CNTNAP5: variants seen among roughly 807,000 people sequenced by gnomAD.
CNTNAP5 encodes the protein contactin associated protein family member 5.
Under a neutral mutation model 150.2 loss-of-function variants are expected in CNTNAP5, and 72 were observed. The ratio of observed to expected loss-of-function variants is 0.48; its 90% CI spans 0.40 to 0.58. The LOEUF (loss-of-function observed/expected upper bound fraction) is 0.58. CNTNAP5 is among the 20% of genes least tolerant of loss of function. The pLI is 0.00. For synonymous variants in CNTNAP5, 672 were observed against 619.8 expected (o/e 1.08, Z -1.25); for missense variants, 1,636 against 1,626.2 (o/e 1.01, Z -0.10).
intron 1 of CNTNAP5, among the ~76,000 whole-genome samples, chr2:124,057,448 A>ATTTTTTTTTTTTTTTTTTCTTTTTT (rs1681883403): frequency 1.6e-5 from 1 of 62,826 alleles, no homozygotes; most frequent in Non-Finnish European, 2.7e-5. Context: ...CGGCCAGCTA[A>ATTTTTTTTTTTTTTTTTTCTTTTTT]TTTTTTTTTT....
chr2:124,080,248 T>C (rs1446456436), intron 1 of CNTNAP5, among the ~76,000 whole-genome samples: 1 of 152,196 alleles, frequency 6.6e-6, no homozygotes, highest in Non-Finnish European at 1.5e-5. Flanking sequence ...ACTTAAACAA[T>C]GCAGGTCTTA....
At chr2:124,414,451 A>G (rs1406780829) in intron 3 of CNTNAP5, among the ~76,000 whole-genome samples, 1 of 152,022 alleles carries the variant, frequency 6.6e-6, no homozygotes, top group Non-Finnish European at 1.5e-5. Flanking sequence ...GAACTGTGAG[A>G]CCTTGGATCT....
chr2:124,138,591 T>C (rs892516623), intron 1 of CNTNAP5, among the ~76,000 whole-genome samples: 6 of 152,194 alleles, frequency 3.9e-5, no homozygotes, highest in Non-Finnish European at 8.8e-5. Context: ...CCACCATACA[T>C]TGGGCTTCAA....
At chr2:124,740,137 T>C (rs1255742315) in intron 13 of CNTNAP5, among the ~76,000 whole-genome samples, 1 of 150,548 alleles carries the variant, frequency 6.6e-6, no homozygotes, top group Admixed American at 6.6e-5. Context: ...GAATATAATA[T>C]TTAATTTACA....
chr2:124,566,880 G>A (rs949979665), intron 11 of CNTNAP5, among the ~76,000 whole-genome samples: 1 of 152,190 alleles, frequency 6.6e-6, no homozygotes, highest in Non-Finnish European at 1.5e-5. Context: ...GCAGAAGATG[G>A]CACACAGGGC....
At chr2:124,239,125 A>T (rs1686821137) in intron 2 of CNTNAP5, among the ~76,000 whole-genome samples, 1 of 152,160 alleles carries the variant, frequency 6.6e-6, no homozygotes, top group Admixed American at 6.5e-5. Context: ...TTACTGTGGG[A>T]AAAAGGGAGC....
chr2:124,702,963 A>G (rs571068440), intron 13 of CNTNAP5, among the ~76,000 whole-genome samples: 15 of 152,202 alleles, frequency 9.9e-5, no homozygotes, highest in Non-Finnish European at 1.9e-4. Context: ...ACACATGAAC[A>G]TGAACAGATG....
At chr2:124,844,351 A>G (rs985521969) in intron 19 of CNTNAP5, among the ~76,000 whole-genome samples, 1 of 152,038 alleles carries the variant, frequency 6.6e-6, no homozygotes, top group Admixed American at 6.6e-5. Flanking sequence ...CAGGTTCTCT[A>G]TTCTGTTCCA....
chr2:124,836,500 C>T (rs1040808808), intron 19 of CNTNAP5, among the ~76,000 whole-genome samples: 3 of 152,008 alleles, frequency 2.0e-5, no homozygotes, highest in Admixed American at 2.0e-4. Flanking sequence ...TTCTGTTTTG[C>T]TTTTGATTTT....
intron 19 of CNTNAP5, among the ~76,000 whole-genome samples, chr2:124,853,085 C>T (rs1381810758): frequency 1.3e-5 from 2 of 152,184 alleles, no homozygotes; most frequent in Non-Finnish European, 1.5e-5. Context: ...AGAGCCTGCT[C>T]TTTCAAAGTG....
intron 3 of CNTNAP5, among the ~76,000 whole-genome samples, chr2:124,397,177 T>C (rs1037469314): frequency 1.3e-5 from 2 of 152,226 alleles, no homozygotes; most frequent in Non-Finnish European, 2.9e-5. Context: ...ATTTAGATTG[T>C]GTGATTACTT....
At chr2:124,783,510 A>G (rs1681498321) in intron 17 of CNTNAP5, among the ~76,000 whole-genome samples, 1 of 152,222 alleles carries the variant, frequency 6.6e-6, no homozygotes, top group Non-Finnish European at 1.5e-5. Context: ...CAATAAAGCC[A>G]GTAATAACAA....
At chr2:124,834,470 C>T (rs1441646104) in intron 19 of CNTNAP5, among the ~76,000 whole-genome samples, 1 of 152,140 alleles carries the variant, frequency 6.6e-6, no homozygotes, top group African/African-American at 2.4e-5. Context: ...GCCAGCTGTT[C>T]CACACAGAGA....
chr2:124,071,818 A>G (rs2104665078), intron 1 of CNTNAP5, among the ~76,000 whole-genome samples: 1 of 152,104 alleles, frequency 6.6e-6, no homozygotes, highest in East Asian at 1.9e-4. Context: ...AATCCTACTC[A>G]AACTATTTCA....
intron 1 of CNTNAP5, among the ~76,000 whole-genome samples, chr2:124,102,847 G>A (rs533985549): frequency 8.5e-5 from 13 of 152,154 alleles, no homozygotes; most frequent in African/African-American, 3.1e-4. Flanking sequence ...TTAAGACAGT[G>A]GTTGGTACAT....
intron 3 of CNTNAP5, among the ~76,000 whole-genome samples, chr2:124,277,030 C>G (rs1687899189): frequency 6.6e-6 from 1 of 152,076 alleles, no homozygotes; most frequent in East Asian, 1.9e-4. Flanking sequence ...AATTTAATGA[C>G]CTTGACAGGC....
rs369663964 is a variant in CNTNAP5 at position 124,053,099 on chromosome 2, T to C, written c.82+27367T>C. 1.8e-4 allele frequency among the ~76,000 whole-genome samples: 28 copies of C among 151,386 alleles called. 2 individuals carry two copies. The South Asian group carries it at 5.9e-3, about 32-fold the overall frequency. On this transcript the variant is annotated intron_variant, in intron 1 of 23. Coordinates refer to ENST00000682447, the MANE Select transcript of CNTNAP5 (RefSeq NM_001367498.1). The stretch of plus-strand genomic sequence containing the variant: ...TCGGAAACCATCTGTTTGTCCTCAT[T>C]TATTATTCATCAGCAAATGCCCAAT...
intron 1 of CNTNAP5, among the ~76,000 whole-genome samples, chr2:124,192,620 C>T (rs1192369885): frequency 6.6e-6 from 1 of 152,142 alleles, no homozygotes; most frequent in East Asian, 1.9e-4. Context: ...GCTTCTGCAT[C>T]CTCTCAGCTG....
chr2:124,718,323 A>G (rs1379284743), intron 13 of CNTNAP5, among the ~76,000 whole-genome samples: 1 of 152,182 alleles, frequency 6.6e-6, no homozygotes, highest in Non-Finnish European at 1.5e-5. Flanking sequence ...TTTCTGTTTC[A>G]TTAGTCCACT....
Sources: allele counts gnomAD v4.1 joint callset (sites outside exome capture counted in the v4.1 genomes callset), GRCh38; gene constraint gnomAD v4.1.1; transcripts MANE v1.5; gene names NCBI Gene and HGNC (gene_info 2026-07-23, HGNC 2026-07-21).